Variants in GPC6 observed in about 807,000 individuals in gnomAD.
GPC6 encodes the protein glypican-6.
GPC6 carries 14 observed loss-of-function variants against 55.2 expected under a neutral mutation model. The ratio of observed to expected loss-of-function variants is 0.25; its 90% CI spans 0.17 to 0.40. The LOEUF is 0.40. GPC6 is among the 10% of genes least tolerant of loss of function. The pLI, the probability that GPC6 is intolerant of heterozygous loss-of-function variation, is 1.00. For synonymous variants in GPC6, 278 were observed against 259.6 expected (o/e 1.07, Z -0.68); for missense variants, 641 against 708.5 (o/e 0.90, Z 1.08).
intron 2 of GPC6, among the ~76,000 whole-genome samples, chr13:93,825,375 T>C (rs192036033): frequency 5.3e-5 from 8 of 152,316 alleles, no homozygotes; most frequent in African/African-American, 1.9e-4. Flanking sequence ...ACACCTGAGA[T>C]AGACTAGGGT....
intron 2 of GPC6, among the ~76,000 whole-genome samples, chr13:93,613,111 T>C (rs1224738546): frequency 6.6e-6 from 1 of 152,192 alleles, no homozygotes; most frequent in Non-Finnish European, 1.5e-5. Context: ...CAGTGATATG[T>C]AGAAAGAGTG....
chr13:93,931,949 C>T (rs1412613802), intron 3 of GPC6, among the ~76,000 whole-genome samples: 2 of 152,012 alleles, frequency 1.3e-5, no homozygotes, highest in African/African-American at 2.4e-5. Flanking sequence ...CTAGTAGTTG[C>T]GGGATAGAGG....
At chr13:93,734,544 A>G (rs1023270320) in intron 2 of GPC6, among the ~76,000 whole-genome samples, 6 of 152,128 alleles carry the variant, frequency 3.9e-5, no homozygotes, top group Non-Finnish European at 7.4e-5. Context: ...GGGAGTAAGA[A>G]TTTCATTGCT....
At chr13:93,534,377 C>T (rs1464167585) in intron 1 of GPC6, among the ~76,000 whole-genome samples, 2 of 152,144 alleles carry the variant, frequency 1.3e-5, no homozygotes, top group East Asian at 3.9e-4. Context: ...AAATGTGACT[C>T]ACTCTGGGCA....
At chr13:93,413,082 T>C (rs1876572107) in intron 1 of GPC6, among the ~76,000 whole-genome samples, 1 of 152,138 alleles carries the variant, frequency 6.6e-6, no homozygotes, top group South Asian at 2.1e-4. Context: ...GAAAAGAAAA[T>C]GTGATTATCA....
intron 2 of GPC6, among the ~76,000 whole-genome samples, chr13:93,631,545 C>G (rs1879435833): frequency 6.6e-6 from 1 of 152,228 alleles, no homozygotes; most frequent in Non-Finnish European, 1.5e-5. Flanking sequence ...TAATATATGT[C>G]TCATCTGAAC....
chr13:93,414,779 T>G (rs1319782140), intron 1 of GPC6, among the ~76,000 whole-genome samples: 1 of 152,126 alleles, frequency 6.6e-6, no homozygotes, highest in Non-Finnish European at 1.5e-5. Context: ...GAGATATTTA[T>G]TTCCTAGGCT....
chr13:93,540,032 G>T (rs1424745585), intron 1 of GPC6, among the ~76,000 whole-genome samples: 1 of 152,074 alleles, frequency 6.6e-6, no homozygotes, highest in African/African-American at 2.4e-5. Flanking sequence ...TGTTTTCTGT[G>T]CTTAGACGAA....
intron 2 of GPC6, among the ~76,000 whole-genome samples, chr13:93,573,265 A>C (rs1315368822): frequency 6.6e-6 from 1 of 152,096 alleles, no homozygotes; most frequent in Non-Finnish European, 1.5e-5. Flanking sequence ...TTATGGAATA[A>C]ATATTTAAAA....
Position 94,382,656 on chromosome 13 carries a change from G to T in GPC6, c.1289+106G>T, listed in dbSNP as rs2274021. ...CCTGTTTATGCAAAAAGCAACAGAGGGTGGAGGGACAAGTCATCACTTAGC... is the reference window on the plus strand; with the variant it reads ...CCTGTTTATGCAAAAAGCAACAGAGTGTGGAGGGACAAGTCATCACTTAGC... On this transcript the variant is annotated intron_variant, in intron 7 of 8. Transcript: ENST00000377047. 0.1 allele frequency: 151,454 copies of T among 1,456,126 alleles called. 9,292 individuals carry two copies. Among genetic ancestry groups the T allele is most frequent in the East Asian group, 0.25 (11,026 of 43,294 alleles). 90.2% of individuals were successfully genotyped at this position (1,456,126 alleles called of 1,614,324 possible). A position where few individuals can be genotyped will look rare whatever the true frequency, so the allele number is the denominator to read the frequency against.
intron 4 of GPC6, among the ~76,000 whole-genome samples, chr13:94,247,653 A>G (rs1891236132): frequency 6.6e-6 from 1 of 152,122 alleles, no homozygotes; most frequent in Admixed American, 6.6e-5. Flanking sequence ...TATAACATTA[A>G]TTGATTTGCA....
chr13:94,032,587 A>G (rs1338762885), intron 4 of GPC6, among the ~76,000 whole-genome samples: 2 of 152,206 alleles, frequency 1.3e-5, no homozygotes, highest in Non-Finnish European at 2.9e-5. Flanking sequence ...TCTATGATCA[A>G]GTCTCACCTG....
At chr13:93,372,243 C>G (rs1432542683) in intron 1 of GPC6, among the ~76,000 whole-genome samples, 1 of 152,028 alleles carries the variant, frequency 6.6e-6, no homozygotes, top group African/African-American at 2.4e-5. Flanking sequence ...AGTAACAAGG[C>G]AGAGTTTCAG....
chr13:94,172,231 A>G (rs1450043938), intron 4 of GPC6, among the ~76,000 whole-genome samples: 1 of 152,014 alleles, frequency 6.6e-6, no homozygotes, highest in Non-Finnish European at 1.5e-5. Flanking sequence ...TATCACTGAA[A>G]TCTTTTTTTT....
chr13:93,382,606 T>C (rs1470468087), intron 1 of GPC6, among the ~76,000 whole-genome samples: 1 of 152,202 alleles, frequency 6.6e-6, no homozygotes, highest in Non-Finnish European at 1.5e-5. Flanking sequence ...TTGTGAATCC[T>C]TAGGTTTCTA....
intron 2 of GPC6, among the ~76,000 whole-genome samples, chr13:93,716,988 AG>A (rs1374973571): frequency 6.6e-6 from 1 of 151,658 alleles, no homozygotes; most frequent in Non-Finnish European, 1.5e-5. Flanking sequence ...ACAGGTTTTC[AG>A]GCTAGGAGCA....
chr13:93,424,729 T>A (rs1254648643), intron 1 of GPC6, among the ~76,000 whole-genome samples: 1 of 151,960 alleles, frequency 6.6e-6, no homozygotes, highest in Non-Finnish European at 1.5e-5. Flanking sequence ...GAGAGAGAGG[T>A]TTTTGGTCTT....
At chr13:94,000,091 T>C (rs559511743) in intron 3 of GPC6, among the ~76,000 whole-genome samples, 1 of 152,264 alleles carries the variant, frequency 6.6e-6, no homozygotes, top group African/African-American at 2.4e-5. Flanking sequence ...GTGTCTGTGC[T>C]TTTCCTTGTT....
At chr13:93,541,152 T>C (rs1319674465) in intron 1 of GPC6, among the ~76,000 whole-genome samples, 2 of 147,556 alleles carry the variant, frequency 1.4e-5, no homozygotes, top group Non-Finnish European at 3.0e-5. Context: ...ATTAGGTATA[T>C]CTCCTAAAGC....
Sources: allele counts gnomAD v4.1 joint callset (sites outside exome capture counted in the v4.1 genomes callset), GRCh38; gene constraint gnomAD v4.1.1; transcripts MANE v1.5; gene names NCBI Gene and HGNC (gene_info 2026-07-23, HGNC 2026-07-21).